The following TMEM132D variants were observed in gnomAD, a reference collection of about 807,000 sequenced individuals.
The protein encoded by TMEM132D is mature OL transmembrane protein.
Under a neutral mutation model 62.3 loss-of-function variants are expected in TMEM132D, and 21 were observed. The ratio of observed to expected loss-of-function variants is 0.34; its 90% CI spans 0.24 to 0.49. The LOEUF (loss-of-function observed/expected upper bound fraction) is 0.49, where lower values mean the gene tolerates loss of function less well. Ranked by LOEUF, TMEM132D falls within the 20% of genes least tolerant of loss-of-function variation. The pLI, the probability that TMEM132D is intolerant of heterozygous loss-of-function variation, is 0.99. For synonymous variants in TMEM132D, 621 were observed against 575.6 expected (o/e 1.08, Z -1.13); for missense variants, 1,346 against 1,402.8 (o/e 0.96, Z 0.65).
At chr12:129,445,771 G>A (rs1189008611) in intron 3 of TMEM132D, among the ~76,000 whole-genome samples, 1 of 151,984 alleles carries the variant, frequency 6.6e-6, no homozygotes, top group African/African-American at 2.4e-5. Flanking sequence ...CACCTCCATT[G>A]GCAATTTGTA....
At chr12:129,575,306 A>G (rs958710050) in intron 2 of TMEM132D, among the ~76,000 whole-genome samples, 2 of 151,824 alleles carry the variant, frequency 1.3e-5, no homozygotes, top group Non-Finnish European at 2.9e-5. Flanking sequence ...GGAGGAGTCA[A>G]AAGTCATTCC....
intron 4 of TMEM132D, among the ~76,000 whole-genome samples, chr12:129,221,206 A>C (rs1485520655): frequency 6.6e-6 from 1 of 152,182 alleles, no homozygotes; most frequent in African/African-American, 2.4e-5. Flanking sequence ...TGACACGGCC[A>C]CCAAGGAGGC....
chr12:129,249,588 T>C (rs1380577259), intron 4 of TMEM132D, among the ~76,000 whole-genome samples: 1 of 152,184 alleles, frequency 6.6e-6, no homozygotes. Context: ...CAAATATATA[T>C]TGAATCCCTA....
At chr12:129,729,667 A>G (rs531952709) in intron 1 of TMEM132D, among the ~76,000 whole-genome samples, 1 of 152,322 alleles carries the variant, frequency 6.6e-6, no homozygotes, top group African/African-American at 2.4e-5. Context: ...TTCTACTGGC[A>G]TAAAGTGTTT....
chr12:129,133,448 C>T (rs1051911662), intron 5 of TMEM132D, among the ~76,000 whole-genome samples: 1 of 152,250 alleles, frequency 6.6e-6, no homozygotes, highest in Non-Finnish European at 1.5e-5. Context: ...TGCAGCAATG[C>T]AGATGAACCT....
chr12:129,458,836 G>A (rs1873564531), intron 3 of TMEM132D, among the ~76,000 whole-genome samples: 1 of 152,172 alleles, frequency 6.6e-6, no homozygotes, highest in Non-Finnish European at 1.5e-5. Flanking sequence ...TTGAAGTGGA[G>A]AGAGATGACA....
At chr12:129,812,749 A>G (rs1222101851) in intron 1 of TMEM132D, among the ~76,000 whole-genome samples, 6 of 151,450 alleles carry the variant, frequency 4.0e-5, no homozygotes, top group Admixed American at 2.0e-4. Context: ...CTGCTTCCCA[A>G]TCTCTTTTCC....
chr12:129,254,110 T>C (rs147363852), intron 4 of TMEM132D, among the ~76,000 whole-genome samples: 13 of 152,296 alleles, frequency 8.5e-5, no homozygotes, highest in Admixed American at 5.9e-4. Context: ...TAAATACACG[T>C]ATCCTCTAGC....
At chr12:129,535,365 C>T (rs1196367416) in intron 2 of TMEM132D, among the ~76,000 whole-genome samples, 1 of 152,194 alleles carries the variant, frequency 6.6e-6, no homozygotes, top group Non-Finnish European at 1.5e-5. Flanking sequence ...GCCGTATCCC[C>T]ACTGTGACCC....
At chr12:129,204,417 G>C (rs2135563016) in intron 5 of TMEM132D, among the ~76,000 whole-genome samples, 1 of 152,286 alleles carries the variant, frequency 6.6e-6, no homozygotes, top group East Asian at 1.9e-4. Context: ...CCTAGCTGAA[G>C]AAATCTCAGA....
chr12:129,785,579 G>T, intron 1 of TMEM132D, among the ~76,000 whole-genome samples: 1 of 152,152 alleles, frequency 6.6e-6, no homozygotes, highest in Non-Finnish European at 1.5e-5. Context: ...AGAAACCACA[G>T]AGTCTGTTTA....
Position 129,868,030 on chromosome 12 carries a change from G to A in TMEM132D, c.79+35231C>T, listed in dbSNP as rs1006276787. On this transcript the variant is annotated intron_variant, in intron 1 of 8. Transcript: ENST00000422113. ...TTCTATGGTACATACATGAGGTGGC[G>A]TTTCTATGGTACACACATGAGACAG... Among the ~76,000 whole-genome samples, 8 of 151,854 alleles carry A rather than the reference G, an allele frequency of 5.3e-5. No homozygotes were observed. The South Asian group carries it at 1.3e-3, about 24-fold the overall frequency.
At position 129,899,698 on chromosome 12, in the gene TMEM132D, AG is replaced by A. The variant is rs1235420139; in HGVS notation, c.79+3562del. Among the ~76,000 whole-genome samples, 4 of 152,314 alleles carry A rather than the reference AG, an allele frequency of 2.6e-5. No homozygotes were observed. In the East Asian group the frequency reaches 7.7e-4, roughly 29 times the overall value. ...TTTCTTGGCTCTTAGAATATAACTA[AG>A]TTAAACAGATCCTCAAACTTGGAAT... On this transcript the variant is annotated intron_variant, in intron 1 of 8. Coordinates refer to ENST00000422113, the MANE Select transcript of TMEM132D (RefSeq NM_133448.3).
chr12:129,549,846 T>C (rs1354805700), intron 2 of TMEM132D, among the ~76,000 whole-genome samples: 1 of 152,228 alleles, frequency 6.6e-6, no homozygotes, highest in Non-Finnish European at 1.5e-5. Flanking sequence ...GTGCCTGCTC[T>C]GTTAGCTCAT....
At chr12:129,226,469 T>C (rs1347615879) in intron 4 of TMEM132D, among the ~76,000 whole-genome samples, 1 of 152,196 alleles carries the variant, frequency 6.6e-6, no homozygotes, top group Non-Finnish European at 1.5e-5. Flanking sequence ...CACCAGACCT[T>C]GGCCCAGACA....
intron 3 of TMEM132D, among the ~76,000 whole-genome samples, chr12:129,451,489 GAAAT>G (rs1309454913): frequency 1.3e-5 from 2 of 152,152 alleles, no homozygotes; most frequent in Non-Finnish European, 2.9e-5. Context: ...CAATCACAGG[GAAAT>G]AAATCATGTA....
intron 3 of TMEM132D, among the ~76,000 whole-genome samples, chr12:129,395,586 G>A (rs1302012001): frequency 2.6e-5 from 4 of 151,752 alleles, no homozygotes; most frequent in Non-Finnish European, 5.9e-5. Flanking sequence ...ATAAAAGAAT[G>A]GGTATTCTTT....
At chr12:129,373,362 G>C (rs1374616487) in intron 3 of TMEM132D, among the ~76,000 whole-genome samples, 1 of 152,204 alleles carries the variant, frequency 6.6e-6, no homozygotes, top group Non-Finnish European at 1.5e-5. Flanking sequence ...GCCAGGCGCG[G>C]TGGCTCACGC....
At chr12:129,188,775 GAGAGAGAGAGAGAGAGAGAGAGAGAA>G in intron 5 of TMEM132D, among the ~76,000 whole-genome samples, 1 of 32,754 alleles carries the variant, frequency 3.1e-5, no homozygotes, top group South Asian at 1.0e-3. Flanking sequence ...GAGAGAGAGA[GAGAGAGAGAGAGAGAGAGAGAGAGAA>G]AGAGAGAGAT....
Sources: allele counts gnomAD v4.1 joint callset (sites outside exome capture counted in the v4.1 genomes callset), GRCh38; gene constraint gnomAD v4.1.1; transcripts MANE v1.5; gene names NCBI Gene and HGNC (gene_info 2026-07-23, HGNC 2026-07-21).